The following MCTP2 variants were observed in gnomAD, a reference collection of about 807,000 sequenced individuals.
The protein encoded by MCTP2 is multiple C2 and transmembrane domain-containing protein 2.
In MCTP2, 132 loss-of-function variants were observed where a neutral mutation model predicts 111.6. The observed-to-expected ratio is 1.18, with a 90% confidence interval of 1.03 to 1.37. The LOEUF (loss-of-function observed/expected upper bound fraction) is 1.37, where lower values mean the gene tolerates loss of function less well. MCTP2 is among the 40% of genes most tolerant of loss of function. MCTP2 has a pLI of 0.00. For missense variants in MCTP2, 1,183 were observed against 1,067.9 expected (o/e 1.11, Z -1.50); for synonymous variants, 395 against 387.7 (o/e 1.02, Z -0.22).
intron 19 of MCTP2, among the ~76,000 whole-genome samples, chr15:94,444,197 C>T (rs375187125): frequency 1.3e-5 from 2 of 152,228 alleles, no homozygotes; most frequent in East Asian, 1.9e-4. Flanking sequence ...TTATAAAGGA[C>T]ACAATTCAGG....
intron 11 of MCTP2, among the ~76,000 whole-genome samples, chr15:94,369,797 T>C (rs1430641620): frequency 1.3e-5 from 2 of 152,212 alleles, no homozygotes; most frequent in African/African-American, 2.4e-5. Flanking sequence ...CACGTTTTCC[T>C]GGTGGGATAT....
intron 11 of MCTP2, 123 bp downstream of exon 11, chr15:94,367,914 T>G (rs1475691312): frequency 1.2e-6 from 1 of 810,328 alleles, no homozygotes; most frequent in Non-Finnish European, 1.8e-6. Flanking sequence ...GTCCCAAGTT[T>G]CCTTGTACGT....
chr15:94,390,725 C>CTTTTTTTT (rs777312969), intron 14 of MCTP2, among the ~76,000 whole-genome samples: 146 of 112,980 alleles, frequency 1.3e-3, no homozygotes, highest in African/African-American at 3.1e-3. Context: ...CTTTTCTTTT[C>CTTTTTTTT]TTTTTTTTTT....
chr15:94,470,284 G>A (rs1032781187), intron 20 of MCTP2, 49 bp from the exon 21 acceptor site: 6 of 1,233,992 alleles, frequency 4.9e-6, no homozygotes, highest in Non-Finnish European at 7.2e-6. Flanking sequence ...TGACTCTGTG[G>A]CAGTTGTTGA....
chr15:94,357,349 G>T (rs112621948), intron 9 of MCTP2, among the ~76,000 whole-genome samples: 372 of 152,170 alleles, frequency 2.4e-3, no homozygotes, highest in African/African-American at 6.8e-3. Context: ...TCACAGTGAG[G>T]GTATCCAGGA....
chr15:94,275,608 A>G (rs1213139461), intron 1 of MCTP2, among the ~76,000 whole-genome samples: 3 of 152,104 alleles, frequency 2.0e-5, no homozygotes, highest in African/African-American at 7.2e-5. Flanking sequence ...CACAAAATCA[A>G]TTTCGTATTT....
intron 20 of MCTP2, among the ~76,000 whole-genome samples, chr15:94,462,646 A>G (rs991575350): frequency 2.0e-5 from 3 of 152,152 alleles, no homozygotes; most frequent in East Asian, 3.9e-4. Flanking sequence ...GTGCTTATTT[A>G]CATTTTTTAA....
At chr15:94,266,534 T>C (rs998151911) in intron 1 of MCTP2, among the ~76,000 whole-genome samples, 1 of 152,194 alleles carries the variant, frequency 6.6e-6, no homozygotes, top group African/African-American at 2.4e-5. Context: ...TTTTCCTCCA[T>C]TTTAAAAATG....
At chr15:94,304,932 T>C (rs934671904) in intron 2 of MCTP2, among the ~76,000 whole-genome samples, 1 of 152,214 alleles carries the variant, frequency 6.6e-6, no homozygotes, top group Non-Finnish European at 1.5e-5. Context: ...ATTTCATTAA[T>C]TGTATGTTAT....
At chr15:94,369,790 G>T (rs535739653) in intron 11 of MCTP2, among the ~76,000 whole-genome samples, 1 of 152,120 alleles carries the variant, frequency 6.6e-6, no homozygotes, top group Non-Finnish European at 1.5e-5. Context: ...CTACCCACAC[G>T]TTTTCCTGGT....
intron 12 of MCTP2, among the ~76,000 whole-genome samples, chr15:94,373,724 G>A (rs527988493): frequency 6.6e-5 from 10 of 152,294 alleles, no homozygotes; most frequent in East Asian, 5.8e-4. Context: ...CTATGCCAAC[G>A]TTAGACGTGG....
rs563300954 is a variant in MCTP2, at chr15:94,448,933, C to T, written c.2250+5973C>T. On this transcript the variant is annotated intron_variant, in intron 19 of 22. Transcript: ENST00000357742. ...GCGCACACCTGTAGTCCCAGCTACTCGGGAGGCTGAGGCAGGAGAATTGCT... is the reference window on the plus strand; with the variant it reads ...GCGCACACCTGTAGTCCCAGCTACTTGGGAGGCTGAGGCAGGAGAATTGCT... 6.6e-5 allele frequency among the ~76,000 whole-genome samples: 10 copies of T among 152,242 alleles called. No individual in the cohort carries two copies. The East Asian group carries it at 1.2e-3, about 18-fold the overall frequency.
At chr15:94,358,962 CTAAGGCTAGGTGTTCCCA>C (rs2078776640) in intron 10 of MCTP2, among the ~76,000 whole-genome samples, 1 of 152,266 alleles carries the variant, frequency 6.6e-6, no homozygotes, top group Admixed American at 6.5e-5. Flanking sequence ...TAGTAAAGGT[CTAAGGCTAGGTGTTCCCA>C]TGATGGAAGC....
intron 20 of MCTP2, among the ~76,000 whole-genome samples, chr15:94,460,212 A>C (rs561549769): frequency 5.9e-5 from 9 of 152,290 alleles, no homozygotes; most frequent in African/African-American, 1.7e-4. Flanking sequence ...ATGTAGGAGA[A>C]AGACAGACCG....
At chr15:94,390,725 CTT>C (rs777312969) in intron 14 of MCTP2, among the ~76,000 whole-genome samples, 3 of 112,974 alleles carry the variant, frequency 2.7e-5, no homozygotes, top group Admixed American at 9.0e-5. Flanking sequence ...CTTTTCTTTT[CTT>C]TTTTTTTTTT....
intron 2 of MCTP2, among the ~76,000 whole-genome samples, chr15:94,309,160 C>T (rs1012977975): frequency 6.6e-6 from 1 of 152,166 alleles, no homozygotes; most frequent in Admixed American, 6.5e-5. Flanking sequence ...CTCTCATTGC[C>T]ATGTAGCTCA....
At chr15:94,316,947 A>G (rs572960699) in intron 4 of MCTP2, among the ~76,000 whole-genome samples, 1 of 151,896 alleles carries the variant, frequency 6.6e-6, no homozygotes, top group Non-Finnish European at 1.5e-5. Context: ...TCTGTCTTCT[A>G]TGTCTCTTAG....
intron 1 of MCTP2, among the ~76,000 whole-genome samples, chr15:94,270,095 A>G (rs1253071355): frequency 6.6e-6 from 1 of 152,066 alleles, no homozygotes; most frequent in Admixed American, 6.6e-5. Context: ...TGAAATGTAT[A>G]TGATGGTTTT....
rs766941919 is a variant in MCTP2 at position 94,340,281 on chromosome 15, G to A, written c.857+6G>A. On this transcript the variant is annotated splice_donor_region_variant and intron_variant, in intron 6 of 22. Coordinates refer to ENST00000357742, the MANE Select transcript of MCTP2 (RefSeq NM_001385001.1). Reference sequence around the variant, plus strand: ...AGTGATCTTGAGCTTAACAGGTACCGTATTTTTACATTTTAATTGTTATTG... The same window carrying A: ...AGTGATCTTGAGCTTAACAGGTACCATATTTTTACATTTTAATTGTTATTG... The A allele has an allele frequency of 1.7e-5, 27 of 1,599,232 alleles. No homozygotes were observed. The highest frequency in any genetic ancestry group is 1.1e-4 in the African/African-American group (8 of 74,556).
Sources: gnomAD v4.1 joint callset for allele counts (sites outside exome capture counted in the v4.1 genomes callset) on GRCh38, gnomAD v4.1.1 for gene constraint, MANE v1.5 for transcripts, NCBI Gene and HGNC (gene_info 2026-07-23, HGNC 2026-07-21) for gene names.